Variants in GOLM2 observed in about 807,000 individuals in gnomAD.
GOLM2 encodes golgi membrane protein 2.
Under a neutral mutation model 55.9 loss-of-function variants are expected in GOLM2, and 26 were observed. That is an observed-to-expected ratio of 0.47 (90% CI 0.34 to 0.65). GOLM2 has a LOEUF of 0.65. Among genes scored for constraint, GOLM2 ranks in the 30% least tolerant of loss-of-function variants. The pLI is 0.01. For synonymous variants in GOLM2, 165 were observed against 194.6 expected (o/e 0.85, Z 1.27); for missense variants, 486 against 531.8 (o/e 0.91, Z 0.85).
chr15:44,344,175 G>T (rs2079106792), intron 6 of GOLM2, among the ~76,000 whole-genome samples: 1 of 149,438 alleles, frequency 6.7e-6, no homozygotes, highest in Non-Finnish European at 1.5e-5. Context: ...TGAGAGAACT[G>T]CTTGAGCCCA....
intron 6 of GOLM2, among the ~76,000 whole-genome samples, chr15:44,345,253 G>T (rs2079116069): frequency 6.6e-6 from 1 of 151,608 alleles, no homozygotes; most frequent in South Asian, 2.1e-4. Flanking sequence ...GGGATTACAG[G>T]TGCCCGCCAC....
intron 6 of GOLM2, among the ~76,000 whole-genome samples, chr15:44,376,715 G>A (rs747972354): frequency 5.3e-5 from 8 of 152,120 alleles, no homozygotes; most frequent in Non-Finnish European, 1.0e-4. Context: ...CTCCAAGTCA[G>A]CTAGCATTTT....
chr15:44,363,742 A>G (rs2079261222), intron 6 of GOLM2, among the ~76,000 whole-genome samples: 1 of 151,400 alleles, frequency 6.6e-6, no homozygotes, highest in Non-Finnish European at 1.5e-5. Flanking sequence ...ACACATGCAC[A>G]CGTATGTTTA....
At chr15:44,407,789 T>C (rs1441684632) in intron 9 of GOLM2, among the ~76,000 whole-genome samples, 1 of 148,388 alleles carries the variant, frequency 6.7e-6, no homozygotes, top group Non-Finnish European at 1.5e-5. Flanking sequence ...TTTTTTTTTG[T>C]CGCCCAGGCT....
intron 9 of GOLM2, among the ~76,000 whole-genome samples, chr15:44,407,565 T>C (rs1042954140): frequency 6.6e-6 from 1 of 151,820 alleles, no homozygotes; most frequent in Non-Finnish European, 1.5e-5. Flanking sequence ...CATGAGCCGC[T>C]GCACCTGGCT....
chr15:44,329,294 T>A (rs1595628825), intron 3 of GOLM2, among the ~76,000 whole-genome samples: 1 of 152,164 alleles, frequency 6.6e-6, no homozygotes, highest in African/African-American at 2.4e-5. Flanking sequence ...AAACTTTTAT[T>A]ATATTTGTAA....
At chr15:44,322,838 G>A (rs2078959737) in intron 1 of GOLM2, 127 bp from the exon 2 acceptor site, 1 of 569,154 alleles carries the variant, frequency 1.8e-6, no homozygotes, top group South Asian at 2.4e-5. Context: ...TTGGAAAGAG[G>A]TAGAGTATAA....
At chr15:44,359,000 C>CA (rs1049518492) in intron 6 of GOLM2, among the ~76,000 whole-genome samples, 18 of 151,332 alleles carry the variant, frequency 1.2e-4, no homozygotes, top group Non-Finnish European at 2.4e-4. Context: ...ACTAAAAATA[C>CA]AAAAAAATTA....
At chr15:44,375,305 C>A (rs1290988501) in intron 6 of GOLM2, among the ~76,000 whole-genome samples, 1 of 152,198 alleles carries the variant, frequency 6.6e-6, no homozygotes, top group Non-Finnish European at 1.5e-5. Flanking sequence ...ACGCATGAGC[C>A]ACCCCACCTG....
At chr15:44,315,608 T>C (rs2078904017) in intron 1 of GOLM2, among the ~76,000 whole-genome samples, 1 of 152,078 alleles carries the variant, frequency 6.6e-6, no homozygotes, top group African/African-American at 2.4e-5. Context: ...TATAGGGAAG[T>C]ATCAGGAAAA....
intron 1 of GOLM2, among the ~76,000 whole-genome samples, chr15:44,317,266 A>G (rs184881598): frequency 9.6e-4 from 146 of 152,240 alleles, no homozygotes; most frequent in African/African-American, 3.3e-3. Context: ...GGTCCCAGCT[A>G]CTTGGGAGGC....
intron 1 of GOLM2, among the ~76,000 whole-genome samples, chr15:44,291,048 C>T (rs1595608595): frequency 1.3e-5 from 2 of 151,700 alleles, no homozygotes; most frequent in Admixed American, 6.6e-5. Context: ...GGTGATCCGC[C>T]CGCCTCAGCC....
chr15:44,371,521 CT>C (rs2141185829), intron 6 of GOLM2, among the ~76,000 whole-genome samples: 1 of 152,320 alleles, frequency 6.6e-6, no homozygotes, highest in South Asian at 2.1e-4. Context: ...GATAGTCCCA[CT>C]AACCAGTATT....
intron 8 of GOLM2, among the ~76,000 whole-genome samples, chr15:44,391,442 G>A (rs561041935): frequency 9.9e-5 from 15 of 151,786 alleles, no homozygotes; most frequent in African/African-American, 2.2e-4. Context: ...GCGTGAACCC[G>A]GGAGGTGGAG....
chr15:44,409,133 A>T (rs1036904394), intron 9 of GOLM2, among the ~76,000 whole-genome samples: 21 of 150,638 alleles, frequency 1.4e-4, no homozygotes, highest in South Asian at 8.4e-4. Context: ...AAATACAAAA[A>T]ATTAGCCGGG....
chr15:44,330,156 C>T (rs906870015), intron 3 of GOLM2, among the ~76,000 whole-genome samples: 9 of 146,228 alleles, frequency 6.2e-5, no homozygotes, highest in South Asian at 4.4e-4. Flanking sequence ...GTGATCCACC[C>T]GCCTCGGCCT....
chr15:44,324,341 T>G (rs1427515140), intron 2 of GOLM2, among the ~76,000 whole-genome samples: 2 of 152,122 alleles, frequency 1.3e-5, no homozygotes, highest in Non-Finnish European at 2.9e-5. Context: ...TGAGATATTT[T>G]GAAATTGTGT....
intron 1 of GOLM2, among the ~76,000 whole-genome samples, chr15:44,315,578 TG>T (rs1457773504): frequency 6.6e-6 from 1 of 152,064 alleles, no homozygotes; most frequent in African/African-American, 2.4e-5. Context: ...ATGAAGTAGC[TG>T]GGGATGAACA....
chr15:44,390,789 G>C (rs993798549), intron 8 of GOLM2, among the ~76,000 whole-genome samples: 5 of 151,746 alleles, frequency 3.3e-5, no homozygotes, highest in Non-Finnish European at 7.4e-5. Context: ...GGCTGGTCTC[G>C]TACTCCTAAC....
Sources: gnomAD v4.1 joint callset for allele counts (sites outside exome capture counted in the v4.1 genomes callset) on GRCh38, gnomAD v4.1.1 for gene constraint, MANE v1.5 for transcripts, NCBI Gene and HGNC (gene_info 2026-07-23, HGNC 2026-07-21) for gene names.